The following SP140 variants were observed in gnomAD, a reference collection of about 807,000 sequenced individuals.
The protein encoded by SP140 is SP140 nuclear body protein, also known as nuclear body protein SP140.
SP140 carries 81 observed loss-of-function variants against 125.0 expected under a neutral mutation model. The observed-to-expected ratio is 0.65, with a 90% confidence interval of 0.54 to 0.78. The LOEUF is 0.78. SP140 is among the 30% of genes least tolerant of loss of function. The pLI is 0.00. For missense variants in SP140, 858 were observed against 1,037.0 expected (o/e 0.83, Z 2.37); for synonymous variants, 312 against 354.0 (o/e 0.88, Z 1.33).
intron 10 of SP140, among the ~76,000 whole-genome samples, chr2:230,252,440 G>A (rs568694883): frequency 6.6e-6 from 1 of 152,164 alleles, no homozygotes; most frequent in Admixed American, 6.5e-5. Context: ...AGGGAAATGA[G>A]GGAGGCAGGA....
At position 230,271,644 on chromosome 2, in the gene SP140, G is replaced by A. The variant is rs145991676; in HGVS notation, c.1498+1005G>A. Among the ~76,000 whole-genome samples, 896 of 152,318 alleles carry A rather than the reference G, an allele frequency of 5.9e-3. 4 individuals are homozygous for A. The highest frequency in any genetic ancestry group is 0.01 in the Non-Finnish European group (700 of 68,024). ...GATTTCCAAACACAGTGATCATGGT[G>A]TGTTGTGGTGTCTTTTGCTAATTAT... On this transcript the variant is annotated intron_variant, in intron 15 of 26. Transcript: ENST00000392045.
intron 19 of SP140, among the ~76,000 whole-genome samples, chr2:230,290,827 C>G (rs1479818053): frequency 6.6e-6 from 1 of 152,176 alleles, no homozygotes; most frequent in Non-Finnish European, 1.5e-5. Flanking sequence ...AAAAATGTCA[C>G]GTATTTTACT....
At chr2:230,299,596 GA>G (rs1315737605) in intron 22 of SP140, among the ~76,000 whole-genome samples, 3 of 152,204 alleles carry the variant, frequency 2.0e-5, no homozygotes, top group African/African-American at 7.2e-5. Flanking sequence ...TTCCTGGTCA[GA>G]ATCTGGGGGT....
chr2:230,263,469 A>C (rs946189749), intron 12 of SP140, among the ~76,000 whole-genome samples: 1 of 152,124 alleles, frequency 6.6e-6, no homozygotes, highest in South Asian at 2.1e-4. Context: ...GTTAGTATTA[A>C]AATGTGAGGT....
At chr2:230,280,901 G>T (rs936991366) in intron 15 of SP140, among the ~76,000 whole-genome samples, 4 of 151,962 alleles carry the variant, frequency 2.6e-5, no homozygotes, top group African/African-American at 7.2e-5. Context: ...TTTTTCTAGT[G>T]AGTGATCTCT....
intron 23 of SP140, 50 bp downstream of exon 23, chr2:230,310,089 C>T (rs764222968): frequency 6.4e-7 from 1 of 1,568,498 alleles, no homozygotes; most frequent in Admixed American, 1.7e-5. Flanking sequence ...GGATCTTCCA[C>T]CTGCCATGCG....
At chr2:230,287,177 A>G (rs1371687110) in intron 17 of SP140, among the ~76,000 whole-genome samples, 1 of 152,204 alleles carries the variant, frequency 6.6e-6, no homozygotes, top group Non-Finnish European at 1.5e-5. Context: ...GGAAATCTCA[A>G]TTCTACCCAT....
At chr2:230,209,067 T>A (rs1333927611) in intron 1 of SP140, among the ~76,000 whole-genome samples, 3 of 152,228 alleles carry the variant, frequency 2.0e-5, no homozygotes, top group African/African-American at 7.2e-5. Context: ...ATATTTTTGA[T>A]TCTTTTTCTT....
chr2:230,266,470 T>C (rs1388206432), intron 12 of SP140, among the ~76,000 whole-genome samples: 1 of 152,236 alleles, frequency 6.6e-6, no homozygotes, highest in Non-Finnish European at 1.5e-5. Context: ...TCGTTTTTCA[T>C]TGCTGCATGA....
At chr2:230,244,251 C>T (rs1180649922) in intron 5 of SP140, among the ~76,000 whole-genome samples, 1 of 152,176 alleles carries the variant, frequency 6.6e-6, no homozygotes, top group South Asian at 2.1e-4. Flanking sequence ...AACAAGATGT[C>T]ATTTTATCTC....
intron 16 of SP140, among the ~76,000 whole-genome samples, chr2:230,284,827 T>A (rs1043460625): frequency 2.6e-5 from 4 of 152,204 alleles, no homozygotes; most frequent in African/African-American, 9.6e-5. Context: ...TGTATCCTGA[T>A]ATACACATAT....
At chr2:230,265,470 G>A (rs955820690) in intron 12 of SP140, among the ~76,000 whole-genome samples, 3 of 152,160 alleles carry the variant, frequency 2.0e-5, no homozygotes, top group Admixed American at 6.5e-5. Context: ...TCCAGGAGGC[G>A]TCTCACCCTG....
rs779317455 is a variant in SP140, at chr2:230,237,778, CA to C, written c.238-433del. ...TGGATGCCCTTAGGGATACTGAGGA[CA>C]AGGCTTCTTCTTGTCTTTGTGAATT... is the stretch of plus-strand genomic sequence containing the variant. On this transcript the variant is annotated intron_variant, in intron 2 of 26. Transcript: ENST00000392045. This position sits in a 1 kb window ranked among gnomAD's most constrained non-coding sequence, Gnocchi z 5.4. Among the ~76,000 whole-genome samples the C allele has an allele frequency of 1.3e-5, 2 of 152,130 alleles. No homozygotes were observed. Among genetic ancestry groups the C allele is most frequent in the Non-Finnish European group, 2.9e-5 (2 of 68,022 alleles).
At chr2:230,206,491 G>T (rs1267114253) in intron 1 of SP140, among the ~76,000 whole-genome samples, 1 of 149,788 alleles carries the variant, frequency 6.7e-6, no homozygotes, top group African/African-American at 2.5e-5. Context: ...CTAGGTCTGT[G>T]GTTCTCTTTT....
chr2:230,293,656 GC>G (rs1419586262), intron 20 of SP140, among the ~76,000 whole-genome samples: 1 of 152,094 alleles, frequency 6.6e-6, no homozygotes, highest in African/African-American at 2.4e-5. Flanking sequence ...ATTTTAGACA[GC>G]CACGGGGCTT....
At chr2:230,223,322 A>G (rs1485074122), upstream of SP140, among the ~76,000 whole-genome samples, 2 of 152,224 alleles carry the variant, frequency 1.3e-5, no homozygotes, top group Non-Finnish European at 2.9e-5. Flanking sequence ...GGCATGAGCC[A>G]CCATGCCCAG....
intron 3 of SP140, among the ~76,000 whole-genome samples, chr2:230,240,513 C>T (rs2048575969): frequency 6.6e-6 from 1 of 152,118 alleles, no homozygotes; most frequent in Non-Finnish European, 1.5e-5. Flanking sequence ...ACGATTTGAA[C>T]AGACATTTCA....
rs758103268 is a variant in SP140 at position 230,245,090 on chromosome 2, A to G, written c.664+10A>G. 4 of 1,574,910 alleles carry G rather than the reference A, an allele frequency of 2.5e-6. No individual in the cohort carries two copies. Among genetic ancestry groups the G allele is most frequent in the Non-Finnish European group, 3.5e-6 (4 of 1,145,108 alleles). Reference sequence around the variant, plus strand: ...CTACCAGGTGGGGGAGGTAATTATGATTTAAATGACCAATTATCTCATTAA... The same window carrying G: ...CTACCAGGTGGGGGAGGTAATTATGGTTTAAATGACCAATTATCTCATTAA... On this transcript the variant is annotated intron_variant, in intron 6 of 26. Coordinates refer to ENST00000392045, the MANE Select transcript of SP140 (RefSeq NM_007237.5).
chr2:230,315,120 T>C (rs185171763), downstream of SP140, among the ~76,000 whole-genome samples: 111 of 152,290 alleles, frequency 7.3e-4, no homozygotes, highest in Middle Eastern at 0.017. Context: ...TCAAAAAAGA[T>C]TGGACATCAA....
Sources: allele counts gnomAD v4.1 joint callset (sites outside exome capture counted in the v4.1 genomes callset), GRCh38; gene constraint gnomAD v4.1.1; non-coding constraint Gnocchi (gnomAD v3.1); transcripts MANE v1.5; gene names NCBI Gene and HGNC (gene_info 2026-07-23, HGNC 2026-07-21).